The following RGPD8 variants were observed in gnomAD, a reference collection of about 807,000 sequenced individuals.
The protein encoded by RGPD8 is RANBP2 like and GRIP domain containing 8, also known as RANBP2-like and GRIP domain-containing protein 8.
RGPD8 carries 15 observed loss-of-function variants against 89.1 expected under a neutral mutation model. That is an observed-to-expected ratio of 0.17 (90% CI 0.11 to 0.26). The LOEUF (loss-of-function observed/expected upper bound fraction) is 0.26. Ranked by LOEUF, RGPD8 falls within the 10% of genes least tolerant of loss-of-function variation. The pLI is 1.00. For missense variants in RGPD8, 178 were observed against 1,179.6 expected (o/e 0.15, Z 12.44); for synonymous variants, 62 against 420.9 (o/e 0.15, Z 10.44).
chr2:112,424,375 G>T (rs1404316337), intron 1 of RGPD8, 68 bp from the exon 2 acceptor site: 11 of 1,510,832 alleles, frequency 7.3e-6, no homozygotes, highest in Middle Eastern at 4.7e-4. Context: ...TTCAAAAGTA[G>T]TTAAAGCCTG....
chr2:112,422,459 T>G, intron 3 of RGPD8, 89 bp downstream of exon 3: 1 of 1,552,262 alleles, frequency 6.4e-7, no homozygotes, highest in East Asian at 2.3e-5. Context: ...TTATGATATT[T>G]ATAAAATATA....
chr2:112,422,419 C>T, intron 3 of RGPD8, 129 bp downstream of exon 3: 2 of 1,376,480 alleles, frequency 1.5e-6, no homozygotes, highest in East Asian at 2.5e-5. Context: ...AGCTGTGTCA[C>T]ATAATTGTAC....
intron 7 of RGPD8, among the ~76,000 whole-genome samples, chr2:112,408,571 T>C (rs1358403422): frequency 6.7e-5 from 10 of 150,068 alleles, no homozygotes; most frequent in Non-Finnish European, 1.5e-5. Flanking sequence ...TGACCTCAAT[T>C]CATAAACCCG....
At chr2:112,390,484 T>G (rs1678655256) in intron 19 of RGPD8, among the ~76,000 whole-genome samples, 1 of 143,736 alleles carries the variant, frequency 7.0e-6, no homozygotes. Context: ...GTATTATTAT[T>G]ATCCTCATTT....
At chr2:112,370,933 C>A (rs1677948120) in intron 22 of RGPD8, among the ~76,000 whole-genome samples, 1 of 151,196 alleles carries the variant, frequency 6.6e-6, no homozygotes, top group Non-Finnish European at 1.5e-5. Context: ...CATCTTCTCA[C>A]AATATACTTT....
intron 9 of RGPD8, among the ~76,000 whole-genome samples, chr2:112,402,533 G>GAAAAGAAAAGAAAAGAAAAGAAAA (rs1172989175): frequency 1.1e-3 from 158 of 149,466 alleles, no homozygotes; most frequent in African/African-American, 2.1e-3. Context: ...GAAAAGAAAA[G>GAAAAGAAAAGAAAAGAAAAGAAAA]GTTATGCGCT....
At position 112,424,239 on chromosome 2, in the gene RGPD8, C is replaced by G. The variant is rs1475253832; in HGVS notation, c.140+1G>C. On this transcript the variant is annotated splice_donor_variant, in intron 2 of 22. Coordinates refer to ENST00000302558, the MANE Select transcript of RGPD8 (RefSeq NM_001164463.1). LOFTEE classifies it high-confidence loss of function. ...GAATACATGTTACGGTTTGTACTTA[C>G]TTTTTAGCAAGATCATATTCTTTAG... 1 of 1,587,988 alleles carries G rather than the reference C, an allele frequency of 6.3e-7. No individual in the cohort carries two copies. Among genetic ancestry groups the G allele is most frequent in the Non-Finnish European group, 8.5e-7 (1 of 1,173,118 alleles).
intron 6 of RGPD8, among the ~76,000 whole-genome samples, chr2:112,415,712 C>CAAA (rs1228042690): frequency 2.2e-5 from 2 of 91,354 alleles, no homozygotes; most frequent in Non-Finnish European, 4.1e-5. Flanking sequence ...GACTCTGTCT[C>CAAA]AAAAAAAAAA....
chr2:112,431,156 A>G (rs1402903981), intron 1 of RGPD8, among the ~76,000 whole-genome samples: 3 of 151,918 alleles, frequency 2.0e-5, no homozygotes, highest in African/African-American at 7.3e-5. Flanking sequence ...TACTCGGGAG[A>G]CTGAGGTGGG....
At chr2:112,431,282 A>T (rs554429160) in intron 1 of RGPD8, among the ~76,000 whole-genome samples, 2 of 152,282 alleles carry the variant, frequency 1.3e-5, no homozygotes, top group East Asian at 3.9e-4. Context: ...CACAAAAATT[A>T]AAGTCTTTAA....
chr2:112,432,563 G>A (rs1331060750), intron 1 of RGPD8: 3 of 985,256 alleles, frequency 3.0e-6, no homozygotes, highest in South Asian at 4.7e-5. Flanking sequence ...AAGCTCACCC[G>A]GAGCTGCGTC....
At chr2:112,426,484 C>T (rs1262098561) in intron 1 of RGPD8, among the ~76,000 whole-genome samples, 42 of 149,094 alleles carry the variant, frequency 2.8e-4, no homozygotes, top group Non-Finnish European at 5.5e-4. Context: ...TTTTGGACCA[C>T]GGGTGACGCA....
intron 1 of RGPD8, among the ~76,000 whole-genome samples, chr2:112,432,853 C>G (rs1215033337): frequency 6.6e-6 from 1 of 152,240 alleles, no homozygotes; most frequent in African/African-American, 2.4e-5. Context: ...CTTGCAAGCG[C>G]CACGCCGCCC....
In RGPD8 at chr2:112,429,148, C is replaced by T. The variant is rs758486287; in HGVS notation, c.72+4234G>A. 8.9e-3 allele frequency among the ~76,000 whole-genome samples: 1,353 copies of T among 151,720 alleles called. 15 individuals are homozygous for T. Among genetic ancestry groups the T allele is most frequent in the Non-Finnish European group, 0.015 (1,051 of 67,892 alleles). On this transcript the variant is annotated intron_variant, in intron 1 of 22. Coordinates refer to ENST00000302558, the MANE Select transcript of RGPD8 (RefSeq NM_001164463.1). ...AGAATGTCTAAAATGGGGCCGGGCGCGGTGGCTCACGCCTGTAATCCCAGC... is the reference window on the plus strand; with the variant it reads ...AGAATGTCTAAAATGGGGCCGGGCGTGGTGGCTCACGCCTGTAATCCCAGC...
In RGPD8 at chr2:112,417,189, G is replaced by A. The variant is rs763032099; in HGVS notation, c.782+4C>T. 5.6e-6 allele frequency: 9 copies of A among 1,609,066 alleles called. No homozygotes were observed. The highest frequency in any genetic ancestry group is 1.7e-5 in the Admixed American group (1 of 59,954). Reference sequence around the variant, plus strand: ...CTAAAGCATTCTCCTCAAAGTCTACGCACCTTTCCAGTAATTCTCTATTTT... The same window carrying A: ...CTAAAGCATTCTCCTCAAAGTCTACACACCTTTCCAGTAATTCTCTATTTT... On this transcript the variant is annotated splice_donor_region_variant and intron_variant, in intron 6 of 22. Transcript: ENST00000302558.
intron 22 of RGPD8, among the ~76,000 whole-genome samples, chr2:112,374,869 T>C (rs113352294): frequency 7.0e-6 from 1 of 143,534 alleles, no homozygotes. Context: ...TTTTTTTTTT[T>C]TTTTTTTTTG....
In RGPD8 at chr2:112,388,589, AACATCC is replaced by A; in HGVS notation, c.4350_4355del (p.Gln1450_Val1452delinsHis). ...CAAAAATTTTCTTAAACGAGTCTGC[AACATCC>A]TGTAGTTTAAAACGAACAGCTAAAT... On this transcript the variant is annotated inframe_deletion, in exon 20 of 23. Coordinates refer to ENST00000302558, the MANE Select transcript of RGPD8 (RefSeq NM_001164463.1). The A allele has an allele frequency of 7.2e-7, 1 of 1,387,128 alleles. No homozygotes were observed. The highest frequency in any genetic ancestry group is 9.7e-7 in the Non-Finnish European group (1 of 1,035,844). 85.9% of individuals were successfully genotyped at this position (1,387,128 alleles called of 1,614,324 possible).
At chr2:112,430,208 G>A (rs2458949) in intron 1 of RGPD8, among the ~76,000 whole-genome samples, 27,948 of 151,788 alleles carry the variant, frequency 0.18, 2,981 homozygotes, top group African/African-American at 0.28. Context: ...CATTCTAGAA[G>A]GCATGGGCAG....
intron 7 of RGPD8, among the ~76,000 whole-genome samples, chr2:112,410,474 CG>C (rs1159195719): frequency 6.6e-6 from 1 of 151,690 alleles, no homozygotes; most frequent in Non-Finnish European, 1.5e-5. Context: ...TGTCTATCAA[CG>C]GTGTTTTTAA....
Sources: allele counts gnomAD v4.1 joint callset (sites outside exome capture counted in the v4.1 genomes callset), GRCh38; gene constraint gnomAD v4.1.1; transcripts MANE v1.5; gene names NCBI Gene and HGNC (gene_info 2026-07-23, HGNC 2026-07-21).